The following STXBP5 variants were observed in gnomAD, a reference collection of about 807,000 sequenced individuals.
STXBP5 encodes the protein syntaxin binding protein 5.
STXBP5 carries 50 observed loss-of-function variants against 152.4 expected under a neutral mutation model. The ratio of observed to expected loss-of-function variants is 0.33; its 90% confidence interval spans 0.26 to 0.42. STXBP5 has a LOEUF of 0.42. STXBP5 is among the 10% of genes least tolerant of loss of function. The pLI is 1.00. For synonymous variants in STXBP5, 492 were observed against 494.7 expected (o/e 0.99, Z 0.07); for missense variants, 1,167 against 1,388.6 (o/e 0.84, Z 2.54).
intron 9 of STXBP5, among the ~76,000 whole-genome samples, chr6:147,291,842 A>G (rs1781291483): frequency 6.6e-6 from 1 of 152,142 alleles, no homozygotes; most frequent in Non-Finnish European, 1.5e-5. Flanking sequence ...GGAAAAGTAT[A>G]TGGTTTTATT....
Position 147,294,421 on chromosome 6 carries a change from C to T in STXBP5, c.917+3249C>T, listed in dbSNP as rs138194254. 1.1e-4 allele frequency among the ~76,000 whole-genome samples: 17 copies of T among 152,148 alleles called. No individual in the cohort carries two copies. The East Asian group carries it at 2.5e-3, about 23-fold the overall frequency. The stretch of plus-strand genomic sequence containing the variant: ...AGATAAATATATAAAGCACTTGTAA[C>T]GTGCTCTTTATACCAGTTGTGTCAC... On this transcript the variant is annotated intron_variant, in intron 9 of 27. Coordinates refer to ENST00000321680, the MANE Select transcript of STXBP5 (RefSeq NM_001127715.4).
At chr6:147,382,351 A>T (rs1786128711) in intron 26 of STXBP5, among the ~76,000 whole-genome samples, 1 of 152,170 alleles carries the variant, frequency 6.6e-6, no homozygotes, top group Non-Finnish European at 1.5e-5. Context: ...TATATTTTTA[A>T]GTAAGAGGAA....
chr6:147,295,043 C>A (rs942288744), intron 9 of STXBP5, among the ~76,000 whole-genome samples: 12 of 152,144 alleles, frequency 7.9e-5, no homozygotes, highest in Non-Finnish European at 1.5e-4. Flanking sequence ...GACCTTTTTA[C>A]CTTACCTTAA....
intron 21 of STXBP5, chr6:147,351,840 A>G: frequency 1.0e-6 from 1 of 985,358 alleles, no homozygotes; most frequent in Non-Finnish European, 1.2e-6. Context: ...TAGATGTGGA[A>G]GTCATGTATG....
chr6:147,376,944 A>G (rs1300978209), intron 26 of STXBP5, among the ~76,000 whole-genome samples: 1 of 152,202 alleles, frequency 6.6e-6, no homozygotes, highest in African/African-American at 2.4e-5. Flanking sequence ...CAGCTGGTAT[A>G]ACTATATTAA....
chr6:147,257,502 C>G (rs1331955805), intron 4 of STXBP5, among the ~76,000 whole-genome samples: 1 of 151,802 alleles, frequency 6.6e-6, no homozygotes, highest in East Asian at 1.9e-4. Context: ...TTAACTTGGT[C>G]TCTTGATATT....
At chr6:147,322,779 T>G (rs1783002963) in intron 16 of STXBP5, among the ~76,000 whole-genome samples, 2 of 152,234 alleles carry the variant, frequency 1.3e-5, no homozygotes, top group African/African-American at 2.4e-5. Context: ...ACACTAAAAT[T>G]GTTCACATTT....
chr6:147,291,224 C>T (rs1318594115), intron 9 of STXBP5, 52 bp downstream of exon 9: 1 of 1,399,364 alleles, frequency 7.1e-7, no homozygotes, highest in East Asian at 2.3e-5. Context: ...CCTCAAATAG[C>T]ATGGAAGGCT....
At chr6:147,333,104 T>C (rs1449506784) in intron 18 of STXBP5, among the ~76,000 whole-genome samples, 2 of 152,212 alleles carry the variant, frequency 1.3e-5, no homozygotes, top group African/African-American at 2.4e-5. Flanking sequence ...AAAGAGTACA[T>C]GTATATAAAC....
intron 4 of STXBP5, 129 bp downstream of exon 4, chr6:147,239,399 G>C: frequency 1.5e-6 from 1 of 682,986 alleles, no homozygotes; most frequent in Non-Finnish European, 2.3e-6. Flanking sequence ...AGCTTCAAAG[G>C]ATATACAATA....
chr6:147,284,787 C>G (rs539423775), intron 8 of STXBP5, among the ~76,000 whole-genome samples: 2 of 152,302 alleles, frequency 1.3e-5, no homozygotes, highest in South Asian at 4.1e-4. Context: ...GAAGTGAAAA[C>G]AGAACCATGT....
intron 22 of STXBP5, among the ~76,000 whole-genome samples, chr6:147,354,417 A>T (rs948944536): frequency 1.1e-4 from 17 of 152,040 alleles, no homozygotes; most frequent in Non-Finnish European, 2.4e-4. Flanking sequence ...AGTTAATCAT[A>T]GAATATAGGA....
chr6:147,211,026 T>G (rs993761706), intron 2 of STXBP5, among the ~76,000 whole-genome samples: 1 of 152,132 alleles, frequency 6.6e-6, no homozygotes, highest in Non-Finnish European at 1.5e-5. Flanking sequence ...AAAATGGTTG[T>G]GTTCAGCCTG....
chr6:147,236,861 C>G (rs975708637), intron 3 of STXBP5, among the ~76,000 whole-genome samples: 1 of 151,692 alleles, frequency 6.6e-6, no homozygotes, highest in Non-Finnish European at 1.5e-5. Context: ...TCACTGCAAC[C>G]TCCGCCTCCC....
intron 6 of STXBP5, among the ~76,000 whole-genome samples, chr6:147,264,898 G>A (rs1438180864): frequency 1.3e-5 from 2 of 152,054 alleles, no homozygotes; most frequent in African/African-American, 4.8e-5. Flanking sequence ...GAGCTGGCTA[G>A]AGAGGTTAAA....
intron 4 of STXBP5, among the ~76,000 whole-genome samples, chr6:147,244,149 A>G (rs1778684240): frequency 6.6e-6 from 1 of 152,206 alleles, no homozygotes; most frequent in South Asian, 2.1e-4. Flanking sequence ...TAATCAAGAG[A>G]TTATTTAATG....
At chr6:147,251,355 C>T (rs1779086325) in intron 4 of STXBP5, among the ~76,000 whole-genome samples, 1 of 152,184 alleles carries the variant, frequency 6.6e-6, no homozygotes, top group Non-Finnish European at 1.5e-5. Flanking sequence ...CAGCACAAAA[C>T]TGGCCGGCCG....
chr6:147,291,620 G>A (rs901598468), intron 9 of STXBP5, among the ~76,000 whole-genome samples: 2 of 152,056 alleles, frequency 1.3e-5, no homozygotes, highest in African/African-American at 4.8e-5. Flanking sequence ...TAATATTAAA[G>A]GGAGTTTGTT....
At chr6:147,208,690 A>C (rs1047889597) in intron 2 of STXBP5, among the ~76,000 whole-genome samples, 12 of 152,140 alleles carry the variant, frequency 7.9e-5, no homozygotes, top group African/African-American at 2.7e-4. Flanking sequence ...TTTCAGAAGT[A>C]AGATTAGGCT....
Sources: gnomAD v4.1 joint callset for allele counts (sites outside exome capture counted in the v4.1 genomes callset) on GRCh38, gnomAD v4.1.1 for gene constraint, MANE v1.5 for transcripts, NCBI Gene and HGNC (gene_info 2026-07-23, HGNC 2026-07-21) for gene names.